Variants in PPP2R5E observed in about 807,000 individuals in gnomAD.
PPP2R5E encodes protein phosphatase 2 regulatory subunit B'epsilon.
PPP2R5E carries 4 observed loss-of-function variants against 65.3 expected under a neutral mutation model. The ratio of observed to expected loss-of-function variants is 0.06; its 90% CI spans 0.03 to 0.14. The LOEUF (loss-of-function observed/expected upper bound fraction) is 0.14, where lower values mean the gene tolerates loss of function less well. Among genes scored for constraint, PPP2R5E ranks in the 10% least tolerant of loss-of-function variants. PPP2R5E has a pLI of 1.00. For missense variants in PPP2R5E, 274 were observed against 556.1 expected (o/e 0.49, Z 5.10); for synonymous variants, 183 against 187.4 (o/e 0.98, Z 0.19).
chr14:63,507,528 A>C (rs1594953113), intron 2 of PPP2R5E, among the ~76,000 whole-genome samples: 1 of 103,136 alleles, frequency 9.7e-6, no homozygotes, highest in South Asian at 2.5e-4. Context: ...TTTTTAAAGT[A>C]AAAAAAAAAA....
At chr14:63,474,673 C>CAAAAAAAAAAAAAAAAAA (rs1157357885) in intron 2 of PPP2R5E, among the ~76,000 whole-genome samples, 1 of 27,730 alleles carries the variant, frequency 3.6e-5, no homozygotes, top group Non-Finnish European at 7.5e-5. Flanking sequence ...TACCCCATCT[C>CAAAAAAAAAAAAAAAAAA]AAAAAAAAAA....
chr14:63,522,019 A>T (rs1025239921), intron 2 of PPP2R5E, among the ~76,000 whole-genome samples: 4 of 127,678 alleles, frequency 3.1e-5, no homozygotes, highest in Admixed American at 9.9e-5. Flanking sequence ...TACTGCTGCC[A>T]TCTCGGCTCA....
chr14:63,485,436 C>T (rs563063412), intron 2 of PPP2R5E, among the ~76,000 whole-genome samples: 7 of 152,020 alleles, frequency 4.6e-5, no homozygotes, highest in African/African-American at 1.7e-4. Context: ...TTTTTTGAGA[C>T]GGAGTTTCAC....
intron 3 of PPP2R5E, among the ~76,000 whole-genome samples, chr14:63,440,714 G>T (rs112984625): frequency 0.035 from 5,204 of 149,638 alleles, 150 homozygotes; most frequent in East Asian, 0.1. Flanking sequence ...CGAGGCAGGC[G>T]CATCATGAGC....
chr14:63,422,292 C>CCTA (rs1298339807), intron 3 of PPP2R5E, among the ~76,000 whole-genome samples, 198 bp from the exon 4 acceptor site: 1 of 152,196 alleles, frequency 6.6e-6, no homozygotes, highest in African/African-American at 2.4e-5. Flanking sequence ...GCAGCACCAT[C>CCTA]CTACTCTCTT....
chr14:63,420,236 T>C (rs1361022181), intron 4 of PPP2R5E, among the ~76,000 whole-genome samples: 1 of 152,212 alleles, frequency 6.6e-6, no homozygotes, highest in African/African-American at 2.4e-5. Context: ...GTGAGACTAC[T>C]GAGGAGATCG....
chr14:63,465,440 T>C (rs1284608367), intron 2 of PPP2R5E, among the ~76,000 whole-genome samples: 4 of 88,798 alleles, frequency 4.5e-5, no homozygotes, highest in East Asian at 2.9e-4. Context: ...ATGGTAAAAC[T>C]CCACCTCTAC....
chr14:63,453,929 C>T (rs1160265172), intron 2 of PPP2R5E, 44 bp from the exon 3 acceptor site: 1 of 1,352,150 alleles, frequency 7.4e-7, no homozygotes, highest in African/African-American at 1.5e-5. Context: ...CATCAATTTC[C>T]AGGTAACAGG....
intron 13 of PPP2R5E, among the ~76,000 whole-genome samples, chr14:63,378,423 T>G (rs920474066): frequency 2.6e-5 from 4 of 152,224 alleles, no homozygotes; most frequent in African/African-American, 9.6e-5. Flanking sequence ...AATGGAACAC[T>G]AGGCATAAAT....
At chr14:63,484,753 G>T (rs1356085749) in intron 2 of PPP2R5E, among the ~76,000 whole-genome samples, 2 of 152,160 alleles carry the variant, frequency 1.3e-5, no homozygotes, top group Admixed American at 6.5e-5. Flanking sequence ...AAAAGATATG[G>T]AGAGGTTCAA....
At chr14:63,517,202 G>C (rs1339956631) in intron 2 of PPP2R5E, among the ~76,000 whole-genome samples, 1 of 151,894 alleles carries the variant, frequency 6.6e-6, no homozygotes, top group Non-Finnish European at 1.5e-5. Context: ...TACCAGCCTT[G>C]CTTAAAAAAA....
In PPP2R5E at chr14:63,373,111, C is replaced by G. The variant is rs1214810386; in HGVS notation, c.*2898G>C. On this transcript the variant is annotated 3_prime_UTR_variant, in exon 14 of 14. Coordinates refer to ENST00000337537, the MANE Select transcript of PPP2R5E (RefSeq NM_006246.5). ...CACTCACATAGTTGTTCTAGGCCCA[C>G]AGCCTAAGGCCTCAGCGTCATTCTA... The G allele has an allele frequency of 6.6e-6, 1 of 152,158 alleles. No individual in the cohort carries two copies. Among genetic ancestry groups the G allele is most frequent in the Non-Finnish European group, 1.5e-5 (1 of 68,020 alleles). 9.4% of individuals were successfully genotyped at this position (152,158 alleles called of 1,614,324 possible).
intron 2 of PPP2R5E, among the ~76,000 whole-genome samples, chr14:63,494,016 C>A (rs369219097): frequency 6.6e-6 from 1 of 152,178 alleles, no homozygotes. Flanking sequence ...TTTAGCAGCA[C>A]CTACCAAGGC....
At chr14:63,377,432 G>A (rs1288463931) in intron 13 of PPP2R5E, among the ~76,000 whole-genome samples, 1 of 152,058 alleles carries the variant, frequency 6.6e-6, no homozygotes, top group Admixed American at 6.6e-5. Context: ...GAGCAATAGA[G>A]ATTAATCTTC....
rs1884540245 is a variant in PPP2R5E at position 63,384,434 on chromosome 14, G to A, written c.1202+10C>T. 1 of 1,611,030 alleles carries A rather than the reference G, an allele frequency of 6.2e-7. No individual in the cohort carries two copies. The highest frequency in any genetic ancestry group is 8.5e-7 in the Non-Finnish European group (1 of 1,178,494). On this transcript the variant is annotated intron_variant, in intron 12 of 13. Transcript: ENST00000337537. Reference sequence around the variant, plus strand: ...AGGAAGAGAACGGAGGAAAGAAACTGAAAACCTACGGATTCCAATGTTCTT... The same window carrying A: ...AGGAAGAGAACGGAGGAAAGAAACTAAAAACCTACGGATTCCAATGTTCTT...
At chr14:63,479,533 T>C (rs1890585181) in intron 2 of PPP2R5E, 1 of 152,176 alleles carries the variant, frequency 6.6e-6, no homozygotes, top group Non-Finnish European at 1.5e-5. Flanking sequence ...AACTGACTGG[T>C]TTGTTTGTCT....
rs1367516565 is a variant in PPP2R5E at position 63,539,613 on chromosome 14, C to G, written c.73G>C (p.Ala25Pro). Residue 25 changes from alanine (A) to proline (P), a missense_variant, in exon 2 of 14, where the codon GCC (alanine) becomes CCC (proline). Physicochemically the swap from Ala to Pro is conservative, Grantham distance 27. Coordinates refer to ENST00000337537, the MANE Select transcript of PPP2R5E (RefSeq NM_006246.5). Reference sequence around the variant, plus strand: ...GAACTTTGCGACCTCTTCTGTCTGGCTTTTCTGACGGACTTCCGAGAAAAT... The same window carrying G: ...GAACTTTGCGACCTCTTCTGTCTGGGTTTTCTGACGGACTTCCGAGAAAAT... ...DGFSRKSVRKARQKRSQSSSQ... is the reference protein window; with the variant it reads ...DGFSRKSVRKPRQKRSQSSSQ... 3 of 1,614,124 alleles carry G rather than the reference C, an allele frequency of 1.9e-6. No homozygotes were observed. Among genetic ancestry groups the G allele is most frequent in the South Asian group, 2.2e-5 (2 of 91,090 alleles).
intron 4 of PPP2R5E, among the ~76,000 whole-genome samples, chr14:63,419,056 A>G (rs969187406): frequency 1.1e-4 from 17 of 152,232 alleles, no homozygotes; most frequent in Admixed American, 1.1e-3. Context: ...TATGTTAGCC[A>G]GGCTGCTCTC....
intron 5 of PPP2R5E, among the ~76,000 whole-genome samples, chr14:63,411,424 T>C (rs1886380668): frequency 1.3e-5 from 2 of 151,494 alleles, no homozygotes; most frequent in African/African-American, 4.8e-5. Flanking sequence ...ATTTTTATAG[T>C]TTTGGGAGTA....
Sources: allele counts gnomAD v4.1 joint callset (sites outside exome capture counted in the v4.1 genomes callset), GRCh38; gene constraint gnomAD v4.1.1; transcripts MANE v1.5; gene names NCBI Gene and HGNC (gene_info 2026-07-23, HGNC 2026-07-21).